The following CSMD1 variants were observed in gnomAD, a reference collection of about 807,000 sequenced individuals.
CSMD1 encodes the protein CUB and sushi domain-containing protein 1.
CSMD1 carries 213 observed loss-of-function variants against 417.5 expected under a neutral mutation model. That is an observed-to-expected ratio of 0.51 (90% CI 0.46 to 0.57). CSMD1 has a LOEUF of 0.57. Ranked by LOEUF, CSMD1 falls within the 20% of genes least tolerant of loss-of-function variation. The probability of loss-of-function intolerance (pLI) is 0.00; values close to 1 mark genes in which losing one functional copy is unlikely to be tolerated. For synonymous variants in CSMD1, 2,862 were observed against 1,736.8 expected, an observed-to-expected ratio of 1.65 and a Z score of -16.11; for missense variants, 6,923 against 4,529.7, an observed-to-expected ratio of 1.53 and a Z score of -15.17.
intron 1 of CSMD1, among the ~76,000 whole-genome samples, chr8:4,991,341 G>T (rs34178473): frequency 0.23 from 35,012 of 152,098 alleles, 5,113 homozygotes; most frequent in Non-Finnish European, 0.33. Context: ...AAAGGAAATC[G>T]CCAGTGAATT....
intron 5 of CSMD1, among the ~76,000 whole-genome samples, chr8:3,997,460 C>A (rs951889052): frequency 5.3e-5 from 8 of 152,274 alleles, no homozygotes; most frequent in African/African-American, 1.9e-4. Flanking sequence ...CCACAGGTGG[C>A]TACAGAATGT....
intron 12 of CSMD1, among the ~76,000 whole-genome samples, chr8:3,413,365 C>G (rs760488606): frequency 3.9e-5 from 6 of 152,106 alleles, no homozygotes; most frequent in Admixed American, 6.5e-5. Context: ...TGCTGAGGAT[C>G]AAGAGAGACC....
At chr8:3,841,119 G>C (rs1213057167) in intron 5 of CSMD1, among the ~76,000 whole-genome samples, 1 of 152,010 alleles carries the variant, frequency 6.6e-6, no homozygotes, top group Non-Finnish European at 1.5e-5. Context: ...CAGGAAGCCT[G>C]GCACTATTGG....
intron 2 of CSMD1, among the ~76,000 whole-genome samples, chr8:4,499,517 C>G (rs1802146435): frequency 6.6e-6 from 1 of 152,184 alleles, no homozygotes. Flanking sequence ...CAAGGAGTTA[C>G]TTTATCAACT....
chr8:4,102,657 C>G lies in CSMD1; in HGVS notation c.416-70558G>C, dbSNP rs150773630. ...CTTTTAAATGTTTTTTGCTGTAAAA[C>G]TTTAAATACTCCAATATTCAGGACA... is the stretch of plus-strand genomic sequence containing the variant. On this transcript the variant is annotated intron_variant, in intron 3 of 69. Transcript: ENST00000635120. 6.3e-3 allele frequency among the ~76,000 whole-genome samples: 958 copies of G among 152,242 alleles called. 8 individuals carry two copies. The highest frequency in any genetic ancestry group is 0.022 in the African/African-American group (904 of 41,544).
At chr8:4,405,882 A>AT (rs745435443) in intron 3 of CSMD1, among the ~76,000 whole-genome samples, 1 of 152,142 alleles carries the variant, frequency 6.6e-6, no homozygotes, top group Non-Finnish European at 1.5e-5. Context: ...GCATGTGGTT[A>AT]TTTTTGGTCA....
intron 5 of CSMD1, among the ~76,000 whole-genome samples, chr8:3,758,517 G>T (rs1324334634): frequency 3.3e-5 from 5 of 152,162 alleles, no homozygotes; most frequent in Admixed American, 6.5e-5. Context: ...AGGGCCAGGA[G>T]CTAATCTTAT....
intron 5 of CSMD1, among the ~76,000 whole-genome samples, chr8:3,991,952 C>T (rs989252732): frequency 2.3e-4 from 35 of 151,674 alleles, no homozygotes; most frequent in African/African-American, 5.6e-4. Flanking sequence ...AACAAACACT[C>T]GGTGATTATT....
chr8:4,765,105 T>C (rs1351911122), intron 1 of CSMD1, among the ~76,000 whole-genome samples: 3 of 152,132 alleles, frequency 2.0e-5, no homozygotes, highest in Non-Finnish European at 4.4e-5. Context: ...GCTCATTCAC[T>C]GGGTTCAAAT....
At chr8:3,551,482 CT>C (rs1177874361) in intron 10 of CSMD1, among the ~76,000 whole-genome samples, 1 of 151,496 alleles carries the variant, frequency 6.6e-6, no homozygotes, top group Non-Finnish European at 1.5e-5. Flanking sequence ...AAATACATAA[CT>C]TTTATTGTGA....
At chr8:4,907,792 C>G (rs1805400972) in intron 1 of CSMD1, among the ~76,000 whole-genome samples, 1 of 151,846 alleles carries the variant, frequency 6.6e-6, no homozygotes, top group Admixed American at 6.6e-5. Flanking sequence ...TCCGAAACCC[C>G]TGGGCTCAAG....
intron 41 of CSMD1, among the ~76,000 whole-genome samples, chr8:3,135,460 ACCGG>A (rs1818020574): frequency 1.4e-5 from 2 of 144,726 alleles, no homozygotes; most frequent in Non-Finnish European, 3.1e-5. Flanking sequence ...GACTCTGTGA[ACCGG>A]CTTCTTCCCC....
chr8:4,360,089 C>T (rs1329933898), intron 3 of CSMD1, among the ~76,000 whole-genome samples: 3 of 152,150 alleles, frequency 2.0e-5, no homozygotes, highest in African/African-American at 7.2e-5. Flanking sequence ...GGACAAGTTA[C>T]TTAACATATC....
intron 3 of CSMD1, among the ~76,000 whole-genome samples, chr8:4,276,932 G>A (rs1326910822): frequency 2.0e-5 from 3 of 152,090 alleles, no homozygotes; most frequent in African/African-American, 7.2e-5. Context: ...TTTCAAAGTA[G>A]CCTGTGTATG....
intron 7 of CSMD1, among the ~76,000 whole-genome samples, chr8:3,632,345 C>T (rs958301743): frequency 6.6e-6 from 1 of 152,010 alleles, no homozygotes; most frequent in East Asian, 1.9e-4. Flanking sequence ...TCAGCCCTGA[C>T]ACCCCCCCAT....
chr8:3,653,478 T>C (rs1209112390), intron 7 of CSMD1, among the ~76,000 whole-genome samples: 1 of 152,088 alleles, frequency 6.6e-6, no homozygotes, highest in Non-Finnish European at 1.5e-5. Flanking sequence ...CCGGCTATTT[T>C]TCATATTTTT....
At chr8:2,991,650 C>CT (rs969253700) in intron 54 of CSMD1, among the ~76,000 whole-genome samples, 1 of 152,030 alleles carries the variant, frequency 6.6e-6, no homozygotes, top group Non-Finnish European at 1.5e-5. Flanking sequence ...GAAACATACC[C>CT]TTTTTAAAAA....
At chr8:4,020,501 C>G (rs558662481) in intron 4 of CSMD1, among the ~76,000 whole-genome samples, 2 of 152,150 alleles carry the variant, frequency 1.3e-5, no homozygotes, top group Admixed American at 1.3e-4. Context: ...GGGTCCAGAT[C>G]TCACCTCTAC....
intron 26 of CSMD1, among the ~76,000 whole-genome samples, chr8:3,264,991 AG>A (rs775058544): frequency 1.1e-4 from 16 of 152,206 alleles, no homozygotes; most frequent in Non-Finnish European, 1.9e-4. Context: ...TCTGCACCCC[AG>A]CTGTATTTTA....
Sources: gnomAD v4.1 joint callset for allele counts (sites outside exome capture counted in the v4.1 genomes callset) on GRCh38, gnomAD v4.1.1 for gene constraint, MANE v1.5 for transcripts, NCBI Gene and HGNC (gene_info 2026-07-23, HGNC 2026-07-21) for gene names.